The following NRXN1 variants were observed in gnomAD, a reference collection of about 807,000 sequenced individuals.
NRXN1 encodes neurexin 1.
NRXN1 carries 39 observed loss-of-function variants against 150.9 expected under a neutral mutation model. The ratio of observed to expected loss-of-function variants is 0.26; its 90% CI spans 0.20 to 0.34. The LOEUF is 0.34. Ranked by LOEUF, NRXN1 falls within the 10% of genes least tolerant of loss-of-function variation. NRXN1 has a pLI of 1.00. For missense variants in NRXN1, 1,815 were observed against 1,949.9 expected, an observed-to-expected ratio of 0.93 and a Z score of 1.30; for synonymous variants, 924 against 757.0, an observed-to-expected ratio of 1.22 and a Z score of -3.62.
At chr2:50,823,140 G>C (rs1669970665) in intron 5 of NRXN1, among the ~76,000 whole-genome samples, 1 of 152,142 alleles carries the variant, frequency 6.6e-6, no homozygotes, top group African/African-American at 2.4e-5. Flanking sequence ...TAAGATCTCT[G>C]CAGGCAGGCA....
At chr2:50,036,484 G>A (rs1014632187) in intron 21 of NRXN1, among the ~76,000 whole-genome samples, 2 of 152,062 alleles carry the variant, frequency 1.3e-5, no homozygotes, top group African/African-American at 4.8e-5. Flanking sequence ...TCCCAAATTT[G>A]TTCAGCTTTT....
intron 2 of NRXN1, among the ~76,000 whole-genome samples, 156 bp downstream of exon 2, chr2:51,027,346 G>C (rs1670664078): frequency 6.6e-6 from 1 of 152,132 alleles, no homozygotes. Context: ...CTGTGGAGGT[G>C]GTAAGGTAGA....
chr2:50,564,423 T>G (rs538994410), intron 8 of NRXN1, among the ~76,000 whole-genome samples: 13 of 152,330 alleles, frequency 8.5e-5, no homozygotes, highest in African/African-American at 3.1e-4. Flanking sequence ...ATCTTGATGT[T>G]GACAAAAATA....
intron 5 of NRXN1, among the ~76,000 whole-genome samples, chr2:50,867,428 C>T (rs1677109396): frequency 6.6e-6 from 1 of 151,786 alleles, no homozygotes; most frequent in Non-Finnish European, 1.5e-5. Context: ...AGACGGAGAA[C>T]TGTGAAGAAA....
chr2:50,819,239 G>A (rs771799419), intron 5 of NRXN1, among the ~76,000 whole-genome samples: 38 of 152,242 alleles, frequency 2.5e-4, no homozygotes, highest in Middle Eastern at 3.4e-3. Flanking sequence ...TTCTGTGTTC[G>A]TTGCAGCATT....
At chr2:50,432,924 G>C (rs76031997) in intron 17 of NRXN1, among the ~76,000 whole-genome samples, 7 of 152,034 alleles carry the variant, frequency 4.6e-5, no homozygotes, top group Non-Finnish European at 1.0e-4. Flanking sequence ...TCCCATCCCC[G>C]ATTTCCGATT....
intron 5 of NRXN1, among the ~76,000 whole-genome samples, chr2:50,823,096 C>T (rs547970758): frequency 1.3e-5 from 2 of 152,084 alleles, no homozygotes; most frequent in African/African-American, 4.8e-5. Context: ...ATTCCAGGAA[C>T]CTCTTTGAGT....
chr2:50,947,618 T>A (rs1690607691), intron 2 of NRXN1, among the ~76,000 whole-genome samples: 2 of 151,932 alleles, frequency 1.3e-5, no homozygotes, highest in Admixed American at 1.3e-4. Context: ...TTCTAACCAG[T>A]GAATATGCTT....
chr2:50,155,037 T>C (rs1005077920), intron 18 of NRXN1, among the ~76,000 whole-genome samples: 2 of 151,662 alleles, frequency 1.3e-5, no homozygotes, highest in African/African-American at 4.8e-5. Flanking sequence ...AGCTGTAAAA[T>C]AACTCTAATT....
intron 5 of NRXN1, among the ~76,000 whole-genome samples, chr2:50,656,579 A>T (rs920671892): frequency 1.3e-5 from 2 of 151,966 alleles, no homozygotes; most frequent in African/African-American, 4.8e-5. Flanking sequence ...TGTATTCAGT[A>T]GTCTAACCTG....
chr2:49,953,434 C>T (rs968650195), intron 21 of NRXN1, among the ~76,000 whole-genome samples: 6 of 152,064 alleles, frequency 3.9e-5, no homozygotes, highest in African/African-American at 2.4e-5. Flanking sequence ...ACTGGAACTC[C>T]AAGCTTCTAC....
intron 19 of NRXN1, among the ~76,000 whole-genome samples, chr2:50,070,590 G>C (rs1390625164): frequency 2.0e-5 from 3 of 151,732 alleles, no homozygotes; most frequent in African/African-American, 7.3e-5. Flanking sequence ...CTAAAACGGT[G>C]AAACCCCGTC....
intron 17 of NRXN1, among the ~76,000 whole-genome samples, chr2:50,326,713 A>G (rs2076407504): frequency 6.6e-6 from 1 of 152,190 alleles, no homozygotes; most frequent in Non-Finnish European, 1.5e-5. Flanking sequence ...TTCTATGTAC[A>G]TAATTATATA....
intron 21 of NRXN1, among the ~76,000 whole-genome samples, chr2:50,038,533 A>T (rs1191787257): frequency 6.6e-6 from 1 of 152,170 alleles, no homozygotes; most frequent in Non-Finnish European, 1.5e-5. Context: ...AGACTGCAGG[A>T]ATGATCACCA....
intron 21 of NRXN1, among the ~76,000 whole-genome samples, chr2:50,011,942 T>C (rs1015965827): frequency 6.6e-6 from 1 of 152,116 alleles, no homozygotes; most frequent in East Asian, 1.9e-4. Context: ...CATTGATGAA[T>C]ATACAGCTAA....
chr2:50,441,242 C>T (rs1467018333), intron 17 of NRXN1, among the ~76,000 whole-genome samples: 1 of 151,768 alleles, frequency 6.6e-6, no homozygotes, highest in African/African-American at 2.4e-5. Flanking sequence ...CTTAGGGGTC[C>T]CCAAATTATA....
At chr2:50,673,891 G>T (rs950375714) in intron 5 of NRXN1, among the ~76,000 whole-genome samples, 3 of 152,014 alleles carry the variant, frequency 2.0e-5, no homozygotes, top group Non-Finnish European at 2.9e-5. Context: ...GTCCTTTGCA[G>T]GGACACGGAT....
chr2:50,829,027 G>A (rs1670979623), intron 5 of NRXN1, among the ~76,000 whole-genome samples: 1 of 152,192 alleles, frequency 6.6e-6, no homozygotes. Context: ...AGGAGCTGGA[G>A]ACCAGCCCAG....
intron 5 of NRXN1, among the ~76,000 whole-genome samples, chr2:50,774,849 T>C (rs921307500): frequency 6.6e-6 from 1 of 152,154 alleles, no homozygotes; most frequent in Non-Finnish European, 1.5e-5. Context: ...ATACCACATA[T>C]ACATTTCTAT....
Sources: allele counts gnomAD v4.1 joint callset (sites outside exome capture counted in the v4.1 genomes callset), GRCh38; gene constraint gnomAD v4.1.1; transcripts MANE v1.5; gene names NCBI Gene and HGNC (gene_info 2026-07-23, HGNC 2026-07-21).